DGKG: variants seen among roughly 807,000 people sequenced by gnomAD.
DGKG encodes the protein DAG kinase gamma.
DGKG carries 78 observed loss-of-function variants against 105.3 expected under a neutral mutation model. The ratio of observed to expected loss-of-function variants is 0.74; its 90% CI spans 0.62 to 0.89. The LOEUF (loss-of-function observed/expected upper bound fraction) is 0.89. Ranked by LOEUF, DGKG falls within the 40% of genes least tolerant of loss-of-function variation. The probability of loss-of-function intolerance (pLI) is 0.00; values close to 1 mark genes in which losing one functional copy is unlikely to be tolerated. For missense variants in DGKG, 958 were observed against 1,020.1 expected (o/e 0.94, Z 0.83); for synonymous variants, 346 against 367.1 (o/e 0.94, Z 0.66).
chr3:186,322,253 G>T (rs1355535124), intron 1 of DGKG, among the ~76,000 whole-genome samples: 1 of 152,160 alleles, frequency 6.6e-6, no homozygotes, highest in Non-Finnish European at 1.5e-5. Flanking sequence ...CCATAAAAAA[G>T]AATGAGATCC....
intron 1 of DGKG, among the ~76,000 whole-genome samples, chr3:186,344,263 T>A (rs989857390): frequency 1.3e-5 from 2 of 152,206 alleles, no homozygotes; most frequent in Admixed American, 1.3e-4. Flanking sequence ...AGAATTCATT[T>A]GACCATAAAG....
intron 22 of DGKG, among the ~76,000 whole-genome samples, chr3:186,186,600 T>C (rs1188128571): frequency 6.6e-6 from 1 of 152,222 alleles, no homozygotes; most frequent in African/African-American, 2.4e-5. Flanking sequence ...ATACAAGATA[T>C]TGTTTTTACA....
chr3:186,246,020 G>A (rs60883725), intron 19 of DGKG, among the ~76,000 whole-genome samples: 5,758 of 152,156 alleles, frequency 0.038, 374 homozygotes, highest in African/African-American at 0.13. Flanking sequence ...TGCCCAGCCT[G>A]GAGTGCAGTG....
At chr3:186,325,152 T>G (rs571004632) in intron 1 of DGKG, among the ~76,000 whole-genome samples, 1 of 152,118 alleles carries the variant, frequency 6.6e-6, no homozygotes, top group East Asian at 1.9e-4. Context: ...GAAAACCAAA[T>G]ACTACATGTT....
rs1715608014 is a variant in DGKG at position 186,148,644 on chromosome 3, C to T, written c.*1446G>A. Reference sequence around the variant, plus strand: ...GCACCTACTCTCAAGCTGCATTAGCCAAGACACCATGGAAAAGTCTCTGAA... The same window carrying T: ...GCACCTACTCTCAAGCTGCATTAGCTAAGACACCATGGAAAAGTCTCTGAA... On this transcript the variant is annotated 3_prime_UTR_variant, in exon 25 of 25. Coordinates refer to ENST00000265022, the MANE Select transcript of DGKG (RefSeq NM_001346.3). The T allele has an allele frequency of 1.0e-6, 1 of 985,196 alleles. No homozygotes were observed. The highest frequency in any genetic ancestry group is 6.2e-5 in the Admixed American group (1 of 16,254). 61.0% of individuals were successfully genotyped at this position (985,196 alleles called of 1,614,324 possible).
At chr3:186,313,715 T>C (rs1385394320) in intron 2 of DGKG, among the ~76,000 whole-genome samples, 1 of 152,130 alleles carries the variant, frequency 6.6e-6, no homozygotes, top group Non-Finnish European at 1.5e-5. Context: ...GAGCTATTGT[T>C]CCATAGAAAT....
chr3:186,251,874 T>C lies in DGKG; in HGVS notation c.1646A>G (p.Gln549Arg). The change falls in exon 19 of 25, where the codon CAG becomes CGG. Residue 549 changes from glutamine to arginine, a missense_variant. Physicochemically the swap from Gln to Arg is conservative, Grantham distance 43. Transcript: ENST00000265022. ...SLTKILKDIE[Q>R]SPLVMLDRWH... ...GCGGTCCAGCATCACCAAGGGGCTC[T>C]GCTCAATGTCTTTCAGGATTTTTGT... is the stretch of plus-strand genomic sequence containing the variant. 1 of 1,604,996 alleles carries C rather than the reference T, an allele frequency of 6.2e-7. No homozygotes were observed. Among genetic ancestry groups the C allele is most frequent in the Non-Finnish European group, 8.5e-7 (1 of 1,174,718 alleles).
At chr3:186,202,511 G>A (rs180733452) in intron 21 of DGKG, among the ~76,000 whole-genome samples, 57 of 152,350 alleles carry the variant, frequency 3.7e-4, no homozygotes, top group Admixed American at 1.8e-3. Flanking sequence ...CCCATGTGTG[G>A]TGATGAAGAT....
intron 7 of DGKG, chr3:186,281,203 T>C (rs1722813626): frequency 6.2e-6 from 1 of 161,048 alleles, no homozygotes; most frequent in African/African-American, 2.4e-5. Flanking sequence ...AGGGTTACTG[T>C]GTGTGTCTCA....
chr3:186,292,565 G>T (rs772550464), intron 5 of DGKG, among the ~76,000 whole-genome samples: 58 of 152,276 alleles, frequency 3.8e-4, no homozygotes, highest in Middle Eastern at 6.8e-3. Flanking sequence ...AGGCCGAGGT[G>T]GGTGGATCAC....
At chr3:186,275,433 T>TGGTC in intron 10 of DGKG, 114 bp downstream of exon 10, 2 of 874,866 alleles carry the variant, frequency 2.3e-6, no homozygotes, top group East Asian at 5.0e-5. Context: ...ACAATATGGG[T>TGGTC]GGTCCCTCAA....
At chr3:186,275,945 G>GATCTATCT (rs146027394) in intron 9 of DGKG, among the ~76,000 whole-genome samples, 507 of 148,700 alleles carry the variant, frequency 3.4e-3, no homozygotes, top group Admixed American at 5.4e-3. Flanking sequence ...ACAACAATCT[G>GATCTATCT]ATCTATCTAT....
chr3:186,324,860 G>A (rs1288077183), intron 1 of DGKG, among the ~76,000 whole-genome samples: 1 of 152,188 alleles, frequency 6.6e-6, no homozygotes, highest in African/African-American at 2.4e-5. Flanking sequence ...AGGAAAATAA[G>A]TAGTTCCACA....
chr3:186,148,018 T>G lies in DGKG; in HGVS notation c.*2072A>C. On this transcript the variant is annotated 3_prime_UTR_variant, in exon 25 of 25. Coordinates refer to ENST00000265022, the MANE Select transcript of DGKG (RefSeq NM_001346.3). ...GTCCTTCACAGTTAAGTGCCATTTG[T>G]ACACACAATCTTAATATTCCCTTCT... 1.0e-6 allele frequency: 1 copy of G among 985,478 alleles called. No homozygotes were observed. Among genetic ancestry groups the G allele is most frequent in the Non-Finnish European group, 1.2e-6 (1 of 829,956 alleles). 61.0% of individuals were successfully genotyped at this position (985,478 alleles called of 1,614,324 possible).
chr3:186,307,907 A>G (rs1056157614), intron 2 of DGKG, among the ~76,000 whole-genome samples: 6 of 113,874 alleles, frequency 5.3e-5, no homozygotes, highest in Non-Finnish European at 7.7e-5. Flanking sequence ...CCTGATTTTT[A>G]TTTTTTATCT....
At chr3:186,274,630 A>T (rs1006201171) in intron 10 of DGKG, among the ~76,000 whole-genome samples, 13 of 148,080 alleles carry the variant, frequency 8.8e-5, no homozygotes, top group African/African-American at 3.3e-4. Context: ...GAGTGAGAAC[A>T]TGCGGTGTTT....
At chr3:186,295,420 T>C (rs1386161447) in intron 5 of DGKG, among the ~76,000 whole-genome samples, 1 of 151,822 alleles carries the variant, frequency 6.6e-6, no homozygotes, top group African/African-American at 2.4e-5. Flanking sequence ...AAGAATCACT[T>C]GAACCAGGGA....
intron 24 of DGKG, among the ~76,000 whole-genome samples, chr3:186,157,174 C>A (rs545164443): frequency 1.3e-5 from 2 of 151,956 alleles, no homozygotes; most frequent in African/African-American, 2.4e-5. Context: ...AGGGGAGAAG[C>A]TTTCTGATCT....
chr3:186,320,511 A>G lies in DGKG; in HGVS notation c.-52T>C. On this transcript the variant is annotated 5_prime_UTR_variant, in exon 2 of 25. The change abolishes the stop of an existing upstream ORF in the 5' untranslated region. Transcript: ENST00000265022. ...GGGCAGTGATGGAGTTTTGTTCACT[A>G]GGCTGAAGTGGAGGCCCAGCCCAGG... The G allele has an allele frequency of 6.2e-7, 1 of 1,613,940 alleles. No homozygotes were observed. Among genetic ancestry groups the G allele is most frequent in the Non-Finnish European group, 8.5e-7 (1 of 1,179,894 alleles).
Sources: allele counts gnomAD v4.1 joint callset (sites outside exome capture counted in the v4.1 genomes callset), GRCh38; gene constraint gnomAD v4.1.1; transcripts MANE v1.5; gene names NCBI Gene and HGNC (gene_info 2026-07-23, HGNC 2026-07-21).